TRMT11: variants seen among roughly 807,000 people sequenced by gnomAD.
The protein encoded by TRMT11 is tRNA methyltransferase 11.
A neutral mutation model predicts 62.8 loss-of-function variants in TRMT11; 53 were observed. The observed-to-expected ratio is 0.84, with a 90% CI of 0.68 to 1.06. The LOEUF (loss-of-function observed/expected upper bound fraction) is 1.06. TRMT11 is among the 50% of genes least tolerant of loss of function. TRMT11 has a pLI of 0.00. For missense variants in TRMT11, 556 were observed against 553.4 expected, an observed-to-expected ratio of 1.00 and a Z score of -0.05; for synonymous variants, 188 against 190.3, an observed-to-expected ratio of 0.99 and a Z score of 0.10.
At chr6:126,004,268 G>T (rs1792996335) in intron 7 of TRMT11, among the ~76,000 whole-genome samples, 1 of 151,962 alleles carries the variant, frequency 6.6e-6, no homozygotes, top group African/African-American at 2.4e-5. Context: ...CATTTATAGT[G>T]TGTTGAGGGG....
chr6:126,161,988 A>C (rs913906315), intron 21 of TRMT11, among the ~76,000 whole-genome samples: 3 of 152,036 alleles, frequency 2.0e-5, no homozygotes, highest in African/African-American at 7.2e-5. Flanking sequence ...AGATTGCAAA[A>C]ATTTTCTCCC....
chr6:126,092,752 G>C (rs1189320296), intron 17 of TRMT11, among the ~76,000 whole-genome samples: 7 of 152,108 alleles, frequency 4.6e-5, no homozygotes, highest in Non-Finnish European at 1.0e-4. Flanking sequence ...ATTTGGCTTG[G>C]TGATTTCTAG....
the TRMT11 span, among the ~76,000 whole-genome samples, chr6:126,220,836 G>T: frequency 6.6e-6 from 1 of 151,960 alleles, no homozygotes; most frequent in Non-Finnish European, 1.5e-5. Flanking sequence ...CATGGGGTTT[G>T]GGGTACAGAT....
chr6:126,262,757 A>G, the TRMT11 span, among the ~76,000 whole-genome samples: 1 of 152,170 alleles, frequency 6.6e-6, no homozygotes, highest in Non-Finnish European at 1.5e-5. Flanking sequence ...TTTCCCTGTA[A>G]GAAGCTACCC....
At chr6:126,002,305 A>G (rs1327212850) in intron 7 of TRMT11, among the ~76,000 whole-genome samples, 2 of 152,218 alleles carry the variant, frequency 1.3e-5, no homozygotes, top group African/African-American at 2.4e-5. Flanking sequence ...GAATTTGCAC[A>G]TATACTATAA....
intron 7 of TRMT11, among the ~76,000 whole-genome samples, chr6:126,003,628 C>T (rs940640164): frequency 3.9e-5 from 6 of 152,004 alleles, no homozygotes; most frequent in East Asian, 1.9e-4. Flanking sequence ...TCTATGGTTA[C>T]GAATGAAGTA....
At chr6:126,173,679 C>T (rs185143866), upstream of TRMT11, among the ~76,000 whole-genome samples, 10 of 152,232 alleles carry the variant, frequency 6.6e-5, no homozygotes, top group Admixed American at 3.3e-4. Context: ...CTGGTGTTAG[C>T]GGTTGTTTGC....
chr6:126,057,055 G>A (rs1478006026), intron 17 of TRMT11, among the ~76,000 whole-genome samples: 1 of 152,162 alleles, frequency 6.6e-6, no homozygotes, highest in South Asian at 2.1e-4. Flanking sequence ...CCTTTTGTAT[G>A]TTTCTTCCTT....
chr6:126,232,404 G>A, the TRMT11 span, among the ~76,000 whole-genome samples: 1 of 150,960 alleles, frequency 6.6e-6, no homozygotes, highest in Non-Finnish European at 1.5e-5. Context: ...TTATAGAACA[G>A]TAGAAAACTT....
At chr6:126,081,798 A>G (rs1777161982) in intron 17 of TRMT11, among the ~76,000 whole-genome samples, 1 of 152,136 alleles carries the variant, frequency 6.6e-6, no homozygotes, top group Non-Finnish European at 1.5e-5. Context: ...TGCTGCCCTA[A>G]CACCTGGGCC....
chr6:126,263,297 A>G, the TRMT11 span, among the ~76,000 whole-genome samples: 1 of 152,200 alleles, frequency 6.6e-6, no homozygotes, highest in South Asian at 2.1e-4. Flanking sequence ...GTTCCATGTC[A>G]TATGCCTCTG....
intron 3 of TRMT11, among the ~76,000 whole-genome samples, chr6:126,200,862 T>C (rs2090400581): frequency 6.6e-6 from 1 of 152,190 alleles, no homozygotes; most frequent in South Asian, 2.1e-4. Flanking sequence ...CCGACATGCA[T>C]TTATAAATAA....
chr6:126,119,277 T>C (rs1407092987), intron 21 of TRMT11, among the ~76,000 whole-genome samples: 1 of 152,096 alleles, frequency 6.6e-6, no homozygotes, highest in Non-Finnish European at 1.5e-5. Flanking sequence ...CATGGTTGCC[T>C]ATGTGGTGTG....
chr6:126,024,924 T>C (rs891612804), intron 12 of TRMT11, among the ~76,000 whole-genome samples: 1 of 152,238 alleles, frequency 6.6e-6, no homozygotes, highest in African/African-American at 2.4e-5. Flanking sequence ...TAATAGTAAC[T>C]AACATTTATG....
At chr6:126,098,417 T>A (rs1394982957) in intron 17 of TRMT11, among the ~76,000 whole-genome samples, 1 of 152,218 alleles carries the variant, frequency 6.6e-6, no homozygotes, top group East Asian at 1.9e-4. Flanking sequence ...TATTTGCCTT[T>A]TATAAAAGCA....
Position 126,200,468 on chromosome 6 carries a change from T to TCCAG in TRMT11, n.371+568_371+569insCCAG, listed in dbSNP as rs1444641151. ...TATCTTAATCTCTGGAGTTTATACC[T>TCCAG]AGTTATGAATTCACTGCTAAGCAAC... On this transcript the variant is annotated intron_variant and non_coding_transcript_variant, in intron 3 of 3. Coordinates refer to the TRMT11 transcript ENST00000444229. 7.4e-4 allele frequency among the ~76,000 whole-genome samples: 112 copies of TCCAG among 152,354 alleles called. 1 individual carries two copies. The highest frequency in any genetic ancestry group is 1.5e-4 in the Non-Finnish European group (10 of 68,034).
intron 21 of TRMT11, among the ~76,000 whole-genome samples, chr6:126,116,900 A>G (rs1012133270): frequency 6.6e-6 from 1 of 152,064 alleles, no homozygotes. Context: ...ACACTTTCCT[A>G]TTATTAGCTC....
chr6:126,001,652 A>G (rs951565359), intron 7 of TRMT11, among the ~76,000 whole-genome samples: 10 of 151,954 alleles, frequency 6.6e-5, no homozygotes, highest in Admixed American at 6.6e-4. Context: ...CTGTGGAGAG[A>G]CACATTAAGG....
At chr6:126,113,250 A>C (rs1045866504) in intron 18 of TRMT11, among the ~76,000 whole-genome samples, 2 of 152,066 alleles carry the variant, frequency 1.3e-5, no homozygotes, top group Non-Finnish European at 2.9e-5. Context: ...ATGTCCAGGC[A>C]GTCTGATTTA....
Sources: gnomAD v4.1 joint callset for allele counts (sites outside exome capture counted in the v4.1 genomes callset) on GRCh38, gnomAD v4.1.1 for gene constraint, MANE v1.5 for transcripts, NCBI Gene and HGNC (gene_info 2026-07-23, HGNC 2026-07-21) for gene names.